The following CACNA1D variants were observed in gnomAD, a reference collection of about 807,000 sequenced individuals.
CACNA1D encodes calcium voltage-gated channel subunit alpha1 D, also known as voltage-dependent L-type calcium channel subunit alpha-1D.
A neutral mutation model predicts 257.1 loss-of-function variants in CACNA1D; 55 were observed. The ratio of observed to expected loss-of-function variants is 0.21; its 90% CI spans 0.17 to 0.27. The LOEUF is 0.27. Among genes scored for constraint, CACNA1D ranks in the 10% least tolerant of loss-of-function variants. The pLI, the probability that CACNA1D is intolerant of heterozygous loss-of-function variation, is 1.00. For synonymous variants in CACNA1D, 980 were observed against 1,014.9 expected (o/e 0.97, Z 0.65); for missense variants, 1,876 against 2,784.0 (o/e 0.67, Z 7.34).
Position 53,805,047 on chromosome 3 carries a change from T to C in CACNA1D, c.5650T>C (p.Tyr1884His). 1.2e-6 allele frequency: 2 copies of C among 1,614,148 alleles called. No individual in the cohort carries two copies. The highest frequency in any genetic ancestry group is 1.7e-6 in the Non-Finnish European group (2 of 1,179,996). The part of the protein sequence containing the change: ...RNIDSERPRG[Y>H]HHPQGFLEDD... ...CATCGACTCTGAGAGGCCCCGAGGCTACCATCATCCCCAAGGATTCTTGGA... is the reference window on the plus strand; with the variant it reads ...CATCGACTCTGAGAGGCCCCGAGGCCACCATCATCCCCAAGGATTCTTGGA... The change falls in exon 45 of 48, where the codon TAC becomes CAC. Residue 1884 changes from tyrosine (Y) to histidine (H), a missense_variant. This residue lies in a region of CACNA1D where 491 missense variants were observed against 554.3 expected (regional missense o/e 0.89). Coordinates refer to ENST00000350061, the MANE Select transcript of CACNA1D (RefSeq NM_001128840.3).
In CACNA1D at chr3:53,691,815, ATATAT is replaced by A. The variant is rs1419353509; in HGVS notation, c.1221-10820_1221-10816del. Among the ~76,000 whole-genome samples, 49 of 111,496 alleles carry A rather than the reference ATATAT, an allele frequency of 4.4e-4. 1 individual carries two copies. In the East Asian group the frequency reaches 9.4e-3, roughly 21 times the overall value. 73.1% of individuals were successfully genotyped at this position (111,496 alleles called of 152,430 possible). On this transcript the variant is annotated intron_variant, in intron 8 of 47. Coordinates refer to ENST00000350061, the MANE Select transcript of CACNA1D (RefSeq NM_001128840.3). Reference sequence around the variant, plus strand: ...ATATATTACATATATAATATATATTATATATTATATCTATAATATATATTACATAT... The same window carrying A: ...ATATATTACATATATAATATATATTATATATCTATAATATATATTACATAT...
In CACNA1D at chr3:53,723,707, G is replaced by A; in HGVS notation, c.1892+48G>A. On this transcript the variant is annotated intron_variant, in intron 13 of 47. Transcript: ENST00000350061. This position sits in a 1 kb window ranked among gnomAD's most constrained non-coding sequence, Gnocchi z 5.6. Reference sequence around the variant, plus strand: ...GCAAATGTTTTATGAACATGAGGCGGCAACCAGTCACATCCCCGGGCAGGT... The same window carrying A: ...GCAAATGTTTTATGAACATGAGGCGACAACCAGTCACATCCCCGGGCAGGT... 6.3e-7 allele frequency: 1 copy of A among 1,593,984 alleles called. No homozygotes were observed. Among genetic ancestry groups the A allele is most frequent in the Non-Finnish European group, 8.6e-7 (1 of 1,161,700 alleles).
chr3:53,712,651 C>A (rs1426874507), intron 9 of CACNA1D, among the ~76,000 whole-genome samples: 3 of 152,042 alleles, frequency 2.0e-5, no homozygotes, highest in Admixed American at 6.5e-5. Flanking sequence ...GTGTCAGGTA[C>A]CCTGTCCCCT....
At chr3:53,650,690 G>A in intron 3 of CACNA1D, 89 bp from the exon 4 acceptor site, 2 of 1,299,818 alleles carry the variant, frequency 1.5e-6, no homozygotes, top group Non-Finnish European at 2.2e-6. Flanking sequence ...TATGTCTAAG[G>A]TGTTGATTCT....
At chr3:53,537,198 C>T (rs1006854549) in intron 3 of CACNA1D, among the ~76,000 whole-genome samples, 10 of 152,122 alleles carry the variant, frequency 6.6e-5, no homozygotes, top group African/African-American at 2.4e-4. Context: ...TTTGTTTATA[C>T]TAGAATATAT....
intron 30 of CACNA1D, chr3:53,765,711 T>C (rs1003517639): frequency 6.6e-6 from 1 of 152,528 alleles, no homozygotes; most frequent in Non-Finnish European, 1.5e-5. Flanking sequence ...ATGATCTGGC[T>C]GAGAAATGAT....
intron 3 of CACNA1D, among the ~76,000 whole-genome samples, chr3:53,596,078 T>A (rs975385975): frequency 2.6e-5 from 4 of 152,110 alleles, no homozygotes; most frequent in Non-Finnish European, 5.9e-5. Context: ...CGAATAAGAT[T>A]GGGATCCATG....
chr3:53,626,049 C>T (rs1346575088), intron 3 of CACNA1D, among the ~76,000 whole-genome samples: 1 of 152,166 alleles, frequency 6.6e-6, no homozygotes, highest in Non-Finnish European at 1.5e-5. Flanking sequence ...AGCTTAGAAG[C>T]TGGAAACTGG....
At chr3:53,777,708 C>T (rs2095405777) in intron 37 of CACNA1D, among the ~76,000 whole-genome samples, 1 of 152,164 alleles carries the variant, frequency 6.6e-6, no homozygotes, top group Non-Finnish European at 1.5e-5. Flanking sequence ...CCTTTGCTGG[C>T]ACACTAGGCT....
At chr3:53,744,882 T>C in intron 23 of CACNA1D, 55 bp downstream of exon 23, 1 of 959,492 alleles carries the variant, frequency 1.0e-6, no homozygotes, top group Non-Finnish European at 1.7e-6. Context: ...TGGCTGTAAT[T>C]ACTGGCTCTT....
intron 3 of CACNA1D, among the ~76,000 whole-genome samples, chr3:53,547,503 C>T (rs942540726): frequency 6.6e-6 from 1 of 152,202 alleles, no homozygotes; most frequent in Non-Finnish European, 1.5e-5. Flanking sequence ...CTTACTTTCT[C>T]TTTCCTTCTA....
At chr3:53,773,176 AAACT>A (rs895262149) in intron 33 of CACNA1D, among the ~76,000 whole-genome samples, 3 of 152,144 alleles carry the variant, frequency 2.0e-5, no homozygotes, top group African/African-American at 4.8e-5. Flanking sequence ...AATTCACTTG[AAACT>A]AACTATTTCC....
Position 53,735,442 on chromosome 3 carries a change from T to C in CACNA1D, c.2690T>C (p.Met897Thr). ...IFTNLILVFI[M>T]LSSAALAAED... ...ACCAACCTCATCCTTGTCTTCATCATGCTGAGCAGCGCTGCCCTGGCCGCA... is the reference window on the plus strand; with the variant it reads ...ACCAACCTCATCCTTGTCTTCATCACGCTGAGCAGCGCTGCCCTGGCCGCA... Residue 897 changes from methionine to threonine, a missense_variant, in exon 20 of 48, where the codon ATG (methionine) becomes ACG (threonine). By Grantham distance (81) the Met-to-Thr change is moderately conservative. Transcript: ENST00000350061. 1.2e-6 allele frequency: 2 copies of C among 1,614,048 alleles called. No homozygotes were observed. Among genetic ancestry groups the C allele is most frequent in the Non-Finnish European group, 1.7e-6 (2 of 1,179,852 alleles).
At chr3:53,804,673 T>G (rs2095553129) in intron 44 of CACNA1D, among the ~76,000 whole-genome samples, 1 of 152,184 alleles carries the variant, frequency 6.6e-6, no homozygotes, top group African/African-American at 2.4e-5. Context: ...GGGAAGGCAC[T>G]CAGGAGAGGG....
chr3:53,655,186 T>C (rs1282596094), intron 4 of CACNA1D, among the ~76,000 whole-genome samples: 1 of 152,240 alleles, frequency 6.6e-6, no homozygotes, highest in Non-Finnish European at 1.5e-5. Flanking sequence ...CCTTGGTGTA[T>C]GTGTATCACA....
At chr3:53,803,162 T>G (rs2095544599) in intron 43 of CACNA1D, among the ~76,000 whole-genome samples, 1 of 152,150 alleles carries the variant, frequency 6.6e-6, no homozygotes, top group South Asian at 2.1e-4. Flanking sequence ...CTCCAAGGCC[T>G]CTGGACACAA....
At chr3:53,750,927 T>G (rs2095220152) in intron 27 of CACNA1D, among the ~76,000 whole-genome samples, 1 of 151,914 alleles carries the variant, frequency 6.6e-6, no homozygotes, top group Admixed American at 6.6e-5. Context: ...CTACCCAGAG[T>G]AAGTGAGAAA....
Position 53,751,636 on chromosome 3 carries a change from C to A in CACNA1D, c.3517-113C>A. ...ACTCGTAATCATTTTCACCATCGTC[C>A]ACGGCCCCTTCCCGGGAGCTGTAGG... On this transcript the variant is annotated intron_variant, in intron 27 of 47. Coordinates refer to ENST00000350061, the MANE Select transcript of CACNA1D (RefSeq NM_001128840.3). The surrounding 1 kb of genome is among the most constrained non-coding windows in gnomAD (Gnocchi z 4.3). 2 of 1,059,626 alleles carry A rather than the reference C, an allele frequency of 1.9e-6. No homozygotes were observed. The highest frequency in any genetic ancestry group is 2.9e-6 in the Non-Finnish European group (2 of 678,880). 65.6% of individuals were successfully genotyped at this position (1,059,626 alleles called of 1,614,324 possible).
At chr3:53,613,679 A>G (rs1477841534) in intron 3 of CACNA1D, among the ~76,000 whole-genome samples, 1 of 152,098 alleles carries the variant, frequency 6.6e-6, no homozygotes, top group Non-Finnish European at 1.5e-5. Flanking sequence ...GACTCAACCT[A>G]ACAATGGAAA....
Sources: gnomAD v4.1 joint callset for allele counts (sites outside exome capture counted in the v4.1 genomes callset) on GRCh38, gnomAD v4.1.1 for gene constraint, gnomAD v4.1.1 regional missense constraint, Gnocchi (gnomAD v3.1) non-coding constraint, MANE v1.5 for transcripts, NCBI Gene and HGNC (gene_info 2026-07-23, HGNC 2026-07-21) for gene names.